The following PPP3CA variants were observed in gnomAD, a reference collection of about 807,000 sequenced individuals.
PPP3CA encodes the protein protein phosphatase 3 catalytic subunit alpha.
A neutral mutation model predicts 66.5 loss-of-function variants in PPP3CA; 14 were observed. The observed-to-expected ratio is 0.21, with a 90% CI of 0.14 to 0.33. The LOEUF (loss-of-function observed/expected upper bound fraction) is 0.33. Ranked by LOEUF, PPP3CA falls within the 10% of genes least tolerant of loss-of-function variation. The pLI is 1.00. For synonymous variants in PPP3CA, 232 were observed against 226.2 expected (o/e 1.03, Z -0.23); for missense variants, 317 against 639.5 (o/e 0.50, Z 5.44).
At chr4:101,097,079 T>G (rs1266660132) in intron 5 of PPP3CA, among the ~76,000 whole-genome samples, 1 of 152,152 alleles carries the variant, frequency 6.6e-6, no homozygotes, top group Non-Finnish European at 1.5e-5. Flanking sequence ...AACCTATAAC[T>G]TAAGAAATAA....
In PPP3CA at chr4:101,312,393, T is replaced by G. The variant is rs559516481; in HGVS notation, c.58+34346A>C. Among the ~76,000 whole-genome samples the G allele has an allele frequency of 5.9e-5, 9 of 152,116 alleles. 1 individual carries two copies. The South Asian group carries it at 1.9e-3, about 32-fold the overall frequency. On this transcript the variant is annotated intron_variant, in intron 1 of 13. Coordinates refer to ENST00000394854, the MANE Select transcript of PPP3CA (RefSeq NM_000944.5). Reference sequence around the variant, plus strand: ...CTTAAATTATGTAACATAAGACATATATAGAAAGCTGGAACTTATTAAACA... The same window carrying G: ...CTTAAATTATGTAACATAAGACATAGATAGAAAGCTGGAACTTATTAAACA...
intron 1 of PPP3CA, among the ~76,000 whole-genome samples, chr4:101,249,335 T>G (rs1336956086): frequency 1.3e-5 from 2 of 152,152 alleles, no homozygotes; most frequent in Non-Finnish European, 2.9e-5. Context: ...AATTTTTATT[T>G]TATGTCATAA....
chr4:101,337,921 C>T (rs1239992008), intron 1 of PPP3CA, among the ~76,000 whole-genome samples: 5 of 152,164 alleles, frequency 3.3e-5, no homozygotes, highest in Non-Finnish European at 7.3e-5. Flanking sequence ...AGCCTGTACT[C>T]GTGATGGGCC....
At chr4:101,338,905 G>C (rs529461940) in intron 1 of PPP3CA, among the ~76,000 whole-genome samples, 147 of 152,258 alleles carry the variant, frequency 9.7e-4, no homozygotes, top group African/African-American at 3.3e-3. Context: ...TTGAATTCCT[G>C]ACTCAGGTTC....
intron 2 of PPP3CA, among the ~76,000 whole-genome samples, chr4:101,157,461 G>A (rs1216042260): frequency 6.6e-6 from 1 of 152,188 alleles, no homozygotes; most frequent in Non-Finnish European, 1.5e-5. Context: ...TGGCTGACTA[G>A]AGAAAGGGGA....
intron 1 of PPP3CA, chr4:101,240,943 GGCTGCAA>G (rs1385563880): frequency 1.3e-5 from 2 of 151,704 alleles, no homozygotes; most frequent in African/African-American, 4.8e-5. Context: ...CTGTCATCCA[GGCTGCAA>G]CCTTGACCTC....
chr4:101,044,206 T>C (rs543502553), intron 10 of PPP3CA, among the ~76,000 whole-genome samples: 4 of 152,322 alleles, frequency 2.6e-5, no homozygotes, highest in Middle Eastern at 3.4e-3. Context: ...ATACTATACT[T>C]AGTATTGCTA....
chr4:101,308,896 T>C (rs1241890247), intron 1 of PPP3CA, among the ~76,000 whole-genome samples: 1 of 151,612 alleles, frequency 6.6e-6, no homozygotes, highest in Non-Finnish European at 1.5e-5. Context: ...GAATCCAGAG[T>C]TTTCTACAAA....
intron 1 of PPP3CA, among the ~76,000 whole-genome samples, chr4:101,241,665 T>C (rs1250578664): frequency 6.6e-6 from 1 of 152,128 alleles, no homozygotes; most frequent in Non-Finnish European, 1.5e-5. Flanking sequence ...TGAGATAGAA[T>C]GTATTATTAG....
chr4:101,300,187 T>C (rs1728331709), intron 1 of PPP3CA, among the ~76,000 whole-genome samples: 1 of 152,192 alleles, frequency 6.6e-6, no homozygotes, highest in Non-Finnish European at 1.5e-5. Context: ...ACAAATTAGC[T>C]TCACTTAACA....
chr4:101,312,231 G>C (rs1289369474), intron 1 of PPP3CA, among the ~76,000 whole-genome samples: 2 of 151,968 alleles, frequency 1.3e-5, no homozygotes, highest in Admixed American at 1.3e-4. Context: ...ATATAAAATG[G>C]ATCATTAAAA....
intron 1 of PPP3CA, among the ~76,000 whole-genome samples, chr4:101,275,585 A>G (rs1307771975): frequency 6.6e-6 from 1 of 152,246 alleles, no homozygotes; most frequent in Non-Finnish European, 1.5e-5. Context: ...AATGACTTCA[A>G]CATACTTGCA....
At chr4:101,325,693 T>C (rs1729185200) in intron 1 of PPP3CA, among the ~76,000 whole-genome samples, 1 of 152,172 alleles carries the variant, frequency 6.6e-6, no homozygotes, top group African/African-American at 2.4e-5. Context: ...AATGCAGATA[T>C]ATAACTTATG....
intron 2 of PPP3CA, among the ~76,000 whole-genome samples, chr4:101,146,468 A>C (rs1464978222): frequency 6.6e-6 from 1 of 151,192 alleles, no homozygotes; most frequent in Non-Finnish European, 1.5e-5. Flanking sequence ...TTTTAAATGG[A>C]GTCTCGCTCT....
At chr4:101,098,314 A>C in intron 5 of PPP3CA, 53 bp downstream of exon 5, 1 of 1,504,986 alleles carries the variant, frequency 6.6e-7, no homozygotes, top group Non-Finnish European at 8.9e-7. Context: ...AATGTCTTCT[A>C]TTTATTACTG....
chr4:101,236,032 G>GAAA (rs57824125), intron 1 of PPP3CA, among the ~76,000 whole-genome samples: 1 of 139,558 alleles, frequency 7.2e-6, no homozygotes, highest in African/African-American at 2.6e-5. Flanking sequence ...GCCAAGCTCT[G>GAAA]AAAAAAAAAA....
At chr4:101,166,515 G>C (rs1723698304) in intron 2 of PPP3CA, among the ~76,000 whole-genome samples, 1 of 152,082 alleles carries the variant, frequency 6.6e-6, no homozygotes, top group South Asian at 2.1e-4. Context: ...AAGGCAGAGA[G>C]AAAAGAGAAA....
At chr4:101,210,076 T>C (rs1449769106) in intron 1 of PPP3CA, among the ~76,000 whole-genome samples, 1 of 152,136 alleles carries the variant, frequency 6.6e-6, no homozygotes, top group Non-Finnish European at 1.5e-5. Context: ...ATTTAATAGA[T>C]TCTCAAAAGA....
chr4:101,089,353 C>T (rs901802255), intron 6 of PPP3CA, among the ~76,000 whole-genome samples: 3 of 151,246 alleles, frequency 2.0e-5, no homozygotes, highest in South Asian at 2.1e-4. Context: ...AAGATGGAAG[C>T]GGCTGATAAG....
Sources: gnomAD v4.1 joint callset for allele counts (sites outside exome capture counted in the v4.1 genomes callset) on GRCh38, gnomAD v4.1.1 for gene constraint, MANE v1.5 for transcripts, NCBI Gene and HGNC (gene_info 2026-07-23, HGNC 2026-07-21) for gene names.